Variants in CLCN5 observed in about 807,000 individuals in gnomAD.
CLCN5 encodes Cl-/H+ antiporter 5, also known as H(+)/Cl(-) exchange transporter 5.
In CLCN5, 17 loss-of-function variants were observed where a neutral mutation model predicts 54.0. The observed-to-expected ratio is 0.31, with a 90% CI of 0.22 to 0.47. CLCN5 has a LOEUF of 0.47. Among genes scored for constraint, CLCN5 ranks in the 20% least tolerant of loss-of-function variants. The pLI is 1.00. For synonymous variants in CLCN5, 222 were observed against 233.0 expected, an observed-to-expected ratio of 0.95 and a Z score of 0.43; for missense variants, 448 against 646.7, an observed-to-expected ratio of 0.69 and a Z score of 3.33.
chrX:49,968,813 A>G (rs1928043492), intron 3 of CLCN5, among the ~76,000 whole-genome samples: 1 of 69,885 alleles, frequency 1.4e-5, no homozygotes, highest in Non-Finnish European at 2.3e-5. Context: ...CAAAATTGAC[A>G]AATGGGATCT....
intron 2 of CLCN5, among the ~76,000 whole-genome samples, chrX:49,924,286 G>A (rs1174134197): frequency 9.0e-6 from 1 of 110,698 alleles, no homozygotes; most frequent in Non-Finnish European, 1.9e-5. Context: ...CCGAGTAGCT[G>A]GGATTACAGG....
intron 7 of CLCN5, among the ~76,000 whole-genome samples, chrX:50,079,516 T>C (rs1933587886): frequency 8.9e-6 from 1 of 112,445 alleles, no homozygotes; most frequent in African/African-American, 3.2e-5. Flanking sequence ...GATGAATCTT[T>C]CCTGCTGGTC....
chrX:50,090,883 A>G lies in CLCN5; in HGVS notation c.2357A>G (p.Asn786Ser). The G allele has an allele frequency of 8.3e-7, 1 of 1,197,625 alleles. No homozygotes were observed. Among genetic ancestry groups the G allele is most frequent in the Non-Finnish European group, 1.1e-6 (1 of 882,809 alleles). Reference sequence around the variant, plus strand: ...CTGCGGCAGTGCCTGGTTACACACAACGGGTAAGAAGTCTTGAGTGAAGTC... The same window carrying G: ...CTGCGGCAGTGCCTGGTTACACACAGCGGGTAAGAAGTCTTGAGTGAAGTC... ...LGLRQCLVTHNGRLLGIITKK... is the reference protein window; with the variant it reads ...LGLRQCLVTHSGRLLGIITKK... Residue 786 changes from asparagine (N) to serine (S), a missense_variant, in exon 14 of 15, where the codon AAC becomes AGC. Physicochemically the swap from Asn to Ser is conservative, Grantham distance 46. Transcript: ENST00000376091.
chrX:49,962,125 T>C (rs782364030), intron 3 of CLCN5, among the ~76,000 whole-genome samples: 1 of 111,944 alleles, frequency 8.9e-6, no homozygotes, highest in South Asian at 3.8e-4. Flanking sequence ...GGTTATATAA[T>C]TTGTTCCCAG....
chrX:50,085,021 C>A lies in CLCN5; in HGVS notation c.934-959C>A, dbSNP rs782085629. ...GGAATTTCAAAGCCCTTCCAGCTAGCACCAGAGATTCCATTCTTTCCTCCC... is the reference window on the plus strand; with the variant it reads ...GGAATTTCAAAGCCCTTCCAGCTAGAACCAGAGATTCCATTCTTTCCTCCC... On this transcript the variant is annotated intron_variant, in intron 9 of 14. Coordinates refer to ENST00000376091, the MANE Select transcript of CLCN5 (RefSeq NM_001127898.4). Among the ~76,000 whole-genome samples, 4 of 112,079 alleles carry A rather than the reference C, an allele frequency of 3.6e-5. No homozygotes were observed. In the South Asian group the frequency reaches 1.5e-3, roughly 42 times the overall value.
intron 5 of CLCN5, among the ~76,000 whole-genome samples, chrX:50,071,291 T>TG (rs1307887021): frequency 2.7e-5 from 3 of 112,029 alleles, no homozygotes; most frequent in Non-Finnish European, 5.6e-5. Context: ...CTCGAAAAGT[T>TG]GATCACTATA....
At chrX:50,076,167 A>G (rs1292172466) in intron 7 of CLCN5, among the ~76,000 whole-genome samples, 185 bp downstream of exon 7, 3 of 112,154 alleles carry the variant, frequency 2.7e-5, no homozygotes, top group African/African-American at 9.7e-5. Context: ...GCTGATGTGT[A>G]GAGTCATTTG....
intron 3 of CLCN5, among the ~76,000 whole-genome samples, chrX:49,980,985 A>C (rs1928703453): frequency 8.9e-6 from 1 of 111,857 alleles, no homozygotes. Context: ...TTTAATTTTT[A>C]AATGTACTTT....
chrX:50,092,585 G>A lies in CLCN5; in HGVS notation c.*366G>A, dbSNP rs1437889437. On this transcript the variant is annotated 3_prime_UTR_variant, in exon 15 of 15. Coordinates refer to ENST00000376091, the MANE Select transcript of CLCN5 (RefSeq NM_001127898.4). ...TTCCAACCGTCCTGACCTATAACCTGTAGGAAACCGACGAAAAAGTCACTC... is the reference window on the plus strand; with the variant it reads ...TTCCAACCGTCCTGACCTATAACCTATAGGAAACCGACGAAAAAGTCACTC... 6.4e-6 allele frequency: 1 copy of A among 155,323 alleles called. No homozygotes were observed. The highest frequency in any genetic ancestry group is 1.3e-5 in the Non-Finnish European group (1 of 79,952). 12.8% of individuals were successfully genotyped at this position (155,323 alleles called of 1,213,427 possible). A position where few individuals can be genotyped will look rare whatever the true frequency, so the allele number is the denominator to read the frequency against.
At chrX:50,049,008 A>G (rs1932487251) in intron 4 of CLCN5, among the ~76,000 whole-genome samples, 1 of 110,789 alleles carries the variant, frequency 9.0e-6, no homozygotes, top group African/African-American at 3.3e-5. Flanking sequence ...ATTCTAATCT[A>G]TTACCACATG....
intron 4 of CLCN5, among the ~76,000 whole-genome samples, chrX:50,046,561 A>G (rs782344768): frequency 4.5e-5 from 5 of 111,348 alleles, no homozygotes; most frequent in Non-Finnish European, 9.4e-5. Context: ...AGTTGGAGCA[A>G]GAAGGAAGAC....
intron 3 of CLCN5, among the ~76,000 whole-genome samples, chrX:50,028,959 G>T (rs990289538): frequency 2.1e-4 from 23 of 111,287 alleles, no homozygotes; most frequent in African/African-American, 6.8e-4. Context: ...ACTATTCTAT[G>T]TTTTTTAAAA....
chrX:50,066,254 TA>T (rs1199828084), intron 4 of CLCN5, among the ~76,000 whole-genome samples: 6,338 of 107,267 alleles, frequency 0.059, 217 homozygotes, highest in Middle Eastern at 0.11. Flanking sequence ...TTTTGCTTTT[TA>T]CAGCAATGTA....
intron 3 of CLCN5, among the ~76,000 whole-genome samples, chrX:50,013,638 T>C (rs1328550117): frequency 1.8e-5 from 2 of 112,366 alleles, no homozygotes; most frequent in Admixed American, 9.4e-5. Context: ...AGCCTTATTA[T>C]CTAAACTTGC....
intron 4 of CLCN5, among the ~76,000 whole-genome samples, chrX:50,063,634 A>G (rs1274572847): frequency 1.8e-5 from 2 of 108,197 alleles, no homozygotes; most frequent in African/African-American, 6.9e-5. Context: ...ATAGAAAAAG[A>G]GGGAATCCTC....
intron 7 of CLCN5, among the ~76,000 whole-genome samples, chrX:50,077,289 A>G (rs1458377438): frequency 2.7e-5 from 3 of 111,180 alleles, no homozygotes; most frequent in Non-Finnish European, 3.8e-5. Context: ...GTTTAGGTCT[A>G]TGCTTCTCAA....
rs782439323 is a variant in CLCN5 at position 50,090,082 on chromosome X, C to A, written c.1745-34C>A. On this transcript the variant is annotated intron_variant, in intron 12 of 14. Coordinates refer to ENST00000376091, the MANE Select transcript of CLCN5 (RefSeq NM_001127898.4). ...ATAATTGTAAGAATCCTGTATTTTG[C>A]CTACCTGAGTAGACTGTGTCTATTT... 4 of 1,201,495 alleles carry A rather than the reference C, an allele frequency of 3.3e-6. No homozygotes were observed. In the South Asian group the frequency reaches 7.0e-5, roughly 21 times the overall value.
At chrX:50,065,920 C>A (rs1335752356) in intron 4 of CLCN5, among the ~76,000 whole-genome samples, 1 of 97,598 alleles carries the variant, frequency 1.0e-5, no homozygotes, top group African/African-American at 3.9e-5. Context: ...CAACAAAAAA[C>A]CAAACACCGC....
At chrX:49,973,365 A>T (rs1364201473) in intron 3 of CLCN5, among the ~76,000 whole-genome samples, 1 of 111,117 alleles carries the variant, frequency 9.0e-6, no homozygotes, top group Non-Finnish European at 1.9e-5. Flanking sequence ...ATTTTTTAAA[A>T]ATTTTATTAT....
Sources: gnomAD v4.1 joint callset for allele counts (sites outside exome capture counted in the v4.1 genomes callset) on GRCh38, gnomAD v4.1.1 for gene constraint, MANE v1.5 for transcripts, NCBI Gene and HGNC (gene_info 2026-07-23, HGNC 2026-07-21) for gene names.